BRINP1: variants seen among roughly 807,000 people sequenced by gnomAD.
BRINP1 encodes the protein BMP/retinoic acid inducible neural specific 1.
BRINP1 carries 17 observed loss-of-function variants against 72.9 expected under a neutral mutation model. That is an observed-to-expected ratio of 0.23 (90% CI 0.16 to 0.35). BRINP1 has a LOEUF of 0.35. Ranked by LOEUF, BRINP1 falls within the 10% of genes least tolerant of loss-of-function variation. The pLI is 1.00. For missense variants in BRINP1, 850 were observed against 1,001.6 expected (o/e 0.85, Z 2.04); for synonymous variants, 418 against 378.5 (o/e 1.10, Z -1.21).
chr9:119,213,605 A>T (rs1425380920), intron 6 of BRINP1: 2 of 545,944 alleles, frequency 3.7e-6, no homozygotes, highest in Non-Finnish European at 6.5e-6. Flanking sequence ...CCAAGGAATC[A>T]ATACAACTAC....
rs1830353577 is a variant in BRINP1, at chr9:119,249,242, A to G, written c.219-92T>C. 17 of 1,188,064 alleles carry G rather than the reference A, an allele frequency of 1.4e-5. 1 individual carries two copies. The South Asian group carries it at 2.4e-4, about 17-fold the overall frequency. 73.6% of individuals were successfully genotyped at this position (1,188,064 alleles called of 1,614,324 possible). ...ACCATCCATCCAGGCATCTCTCCTT[A>G]AGTGGGAAAGTGCCTACAATTTTAA... On this transcript the variant is annotated intron_variant, in intron 2 of 7. Transcript: ENST00000265922.
intron 2 of BRINP1, among the ~76,000 whole-genome samples, chr9:119,275,685 C>T (rs2118956276): frequency 6.6e-6 from 1 of 152,332 alleles, no homozygotes; most frequent in African/African-American, 2.4e-5. Flanking sequence ...TCCAGTAATA[C>T]CTATAGTGCT....
At chr9:119,365,555 G>A (rs1378210731) in intron 1 of BRINP1, among the ~76,000 whole-genome samples, 1 of 152,200 alleles carries the variant, frequency 6.6e-6, no homozygotes, top group Non-Finnish European at 1.5e-5. Context: ...AAAAGAGACA[G>A]GTTGCAAATC....
intron 2 of BRINP1, among the ~76,000 whole-genome samples, chr9:119,252,415 C>G (rs1165625805): frequency 1.3e-5 from 2 of 152,012 alleles, no homozygotes; most frequent in Non-Finnish European, 2.9e-5. Context: ...CCAAATATCT[C>G]TGAGGAAAAG....
chr9:119,345,203 C>A (rs1831438137), intron 1 of BRINP1, among the ~76,000 whole-genome samples: 1 of 152,130 alleles, frequency 6.6e-6, no homozygotes, highest in Admixed American at 6.6e-5. Context: ...TATTTGATAA[C>A]AATTCCAGAC....
intron 2 of BRINP1, among the ~76,000 whole-genome samples, chr9:119,297,316 G>A (rs1830891189): frequency 1.3e-5 from 2 of 152,210 alleles, no homozygotes; most frequent in African/African-American, 4.8e-5. Flanking sequence ...GACAGAGGAG[G>A]ACACGGGCTC....
chr9:119,341,591 G>A (rs931641055), intron 1 of BRINP1, among the ~76,000 whole-genome samples: 1 of 152,180 alleles, frequency 6.6e-6, no homozygotes, highest in African/African-American at 2.4e-5. Flanking sequence ...TCTACAGTGT[G>A]CGGTGATGCC....
chr9:119,367,435 TGCCGAGTCTGGAA>T (rs2119049986), intron 1 of BRINP1, among the ~76,000 whole-genome samples: 1 of 151,922 alleles, frequency 6.6e-6, no homozygotes, highest in East Asian at 2.0e-4. Context: ...AAGTAACAGC[TGCCGAGTCTGGAA>T]GCCATGCTAA....
intron 2 of BRINP1, among the ~76,000 whole-genome samples, chr9:119,311,618 C>T (rs1831069145): frequency 6.6e-6 from 1 of 152,114 alleles, no homozygotes; most frequent in Non-Finnish European, 1.5e-5. Context: ...TAAATTAGGA[C>T]AGCAGAATGC....
chr9:119,228,182 C>T (rs576720942), intron 5 of BRINP1, among the ~76,000 whole-genome samples: 1 of 151,976 alleles, frequency 6.6e-6, no homozygotes. Flanking sequence ...TCTTTCTCTT[C>T]CTTTCTTTCC....
intron 2 of BRINP1, among the ~76,000 whole-genome samples, chr9:119,286,545 C>A (rs574042642): frequency 6.6e-6 from 1 of 152,188 alleles, no homozygotes; most frequent in Non-Finnish European, 1.5e-5. Flanking sequence ...TCGCCATCAT[C>A]ATTTTTAACA....
Position 119,269,625 on chromosome 9 carries a change from A to C in BRINP1, c.219-20475T>G, listed in dbSNP as rs559571119. ...TCCTCAAGGCTGCCTTATGTGGTAG[A>C]GATTTTTATTTATCTGTTTTTAAAA... is the stretch of plus-strand genomic sequence containing the variant. On this transcript the variant is annotated intron_variant, in intron 2 of 7. Coordinates refer to ENST00000265922, the MANE Select transcript of BRINP1 (RefSeq NM_014618.3). Among the ~76,000 whole-genome samples the C allele has an allele frequency of 1.6e-3, 238 of 152,344 alleles. 1 individual carries two copies. Among genetic ancestry groups the C allele is most frequent in the African/African-American group, 5.5e-3 (229 of 41,580 alleles).
At chr9:119,257,291 C>G (rs1046133364) in intron 2 of BRINP1, among the ~76,000 whole-genome samples, 1 of 152,154 alleles carries the variant, frequency 6.6e-6, no homozygotes, top group East Asian at 1.9e-4. Flanking sequence ...GAACAATATT[C>G]CTGTGAGTTT....
At position 119,191,491 on chromosome 9, in the gene BRINP1, C is replaced by A. The variant is rs10984432; in HGVS notation, c.1145+17228G>T. Among the ~76,000 whole-genome samples the A allele has an allele frequency of 4.6e-3, 690 of 151,626 alleles. 1 individual carries two copies. The highest frequency in any genetic ancestry group is 0.015 in the African/African-American group (639 of 41,440). On this transcript the variant is annotated intron_variant, in intron 7 of 7. Coordinates refer to ENST00000265922, the MANE Select transcript of BRINP1 (RefSeq NM_014618.3). Reference sequence around the variant, plus strand: ...GAGTAGCACTTCTACACACAAATAACTTAGTTGAAAAAGAAATTTTAAAAA... The same window carrying A: ...GAGTAGCACTTCTACACACAAATAAATTAGTTGAAAAAGAAATTTTAAAAA...
chr9:119,247,894 G>T (rs1024079206), intron 3 of BRINP1, among the ~76,000 whole-genome samples: 2 of 152,148 alleles, frequency 1.3e-5, no homozygotes, highest in Non-Finnish European at 2.9e-5. Flanking sequence ...TTAAGTAGTG[G>T]ATAATATTAT....
At position 119,237,665 on chromosome 9, in the gene BRINP1, A is replaced by C. The variant is rs141890252; in HGVS notation, c.685+990T>G. Among the ~76,000 whole-genome samples the C allele has an allele frequency of 9.2e-5, 13 of 141,742 alleles. No individual in the cohort carries two copies. In the East Asian group the frequency reaches 2.8e-3, roughly 30 times the overall value. 93.0% of individuals were successfully genotyped at this position (141,742 alleles called of 152,430 possible). On this transcript the variant is annotated intron_variant, in intron 5 of 7. Transcript: ENST00000265922. ...GCATGAGCCACCGCGCCTGGCCATT[A>C]TTATTATTAGTACTGAGACAGAGTC...
chr9:119,348,968 T>C lies in BRINP1; in HGVS notation c.-51+20088A>G, dbSNP rs146180474. Among the ~76,000 whole-genome samples the C allele has an allele frequency of 3.8e-3, 578 of 152,278 alleles. 3 individuals carry two copies. Among genetic ancestry groups the C allele is most frequent in the African/African-American group, 0.013 (558 of 41,542 alleles). ...AGCATTTGTGCTTCAATTAAACCAT[T>C]TGATCCTGACAACCTCCTGGGGCTT... On this transcript the variant is annotated intron_variant, in intron 1 of 7. Transcript: ENST00000265922.
intron 1 of BRINP1, among the ~76,000 whole-genome samples, chr9:119,333,276 C>T (rs1831317746): frequency 6.6e-6 from 1 of 151,634 alleles, no homozygotes; most frequent in Non-Finnish European, 1.5e-5. Flanking sequence ...GCCTGGGCAA[C>T]ATGGCAAAAC....
At chr9:119,288,952 C>T (rs139609964) in intron 2 of BRINP1, among the ~76,000 whole-genome samples, 1,934 of 152,222 alleles carry the variant, frequency 0.013, 17 homozygotes, top group Middle Eastern at 0.037. Context: ...AGGCATGTGC[C>T]GCCACACCTG....
Sources: allele counts gnomAD v4.1 joint callset (sites outside exome capture counted in the v4.1 genomes callset), GRCh38; gene constraint gnomAD v4.1.1; transcripts MANE v1.5; gene names NCBI Gene and HGNC (gene_info 2026-07-23, HGNC 2026-07-21).